Variants in RSPO2 observed in about 807,000 individuals in gnomAD.
RSPO2 encodes R-spondin-2.
RSPO2 carries 14 observed loss-of-function variants against 30.9 expected under a neutral mutation model. The observed-to-expected ratio is 0.45, with a 90% confidence interval of 0.30 to 0.71. The LOEUF is 0.71. RSPO2 is among the 30% of genes least tolerant of loss of function. RSPO2 has a pLI of 0.08. For missense variants in RSPO2, 264 were observed against 301.9 expected, an observed-to-expected ratio of 0.87 and a Z score of 0.93; for synonymous variants, 107 against 96.4, an observed-to-expected ratio of 1.11 and a Z score of -0.64.
At chr8:107,935,950 G>A (rs754398761) in intron 5 of RSPO2, among the ~76,000 whole-genome samples, 43 of 152,076 alleles carry the variant, frequency 2.8e-4, no homozygotes, top group Non-Finnish European at 2.4e-4. Context: ...ATTTCTATGC[G>A]TTGCTAACAC....
In RSPO2 at chr8:108,073,529, C is replaced by G. The variant is rs539858575; in HGVS notation, c.94+9016G>C. On this transcript the variant is annotated intron_variant, in intron 2 of 5. Transcript: ENST00000276659. ...GCCCCAGTTCTGGCCATTCTGTGAA[C>G]TGGCAGCATGATGCCTCAAGTCAGA... Among the ~76,000 whole-genome samples, 17 of 152,358 alleles carry G rather than the reference C, an allele frequency of 1.1e-4. No homozygotes were observed. In the East Asian group the frequency reaches 3.3e-3, roughly 29 times the overall value.
intron 2 of RSPO2, among the ~76,000 whole-genome samples, chr8:108,003,317 T>G (rs796778449): frequency 3.2e-4 from 5 of 15,532 alleles, no homozygotes; most frequent in Admixed American, 2.4e-3. Context: ...ATATATTTTT[T>G]TTTTTTTTTT....
chr8:107,964,544 T>C (rs1483872429), intron 3 of RSPO2, among the ~76,000 whole-genome samples: 1 of 152,114 alleles, frequency 6.6e-6, no homozygotes, highest in Non-Finnish European at 1.5e-5. Flanking sequence ...CCCAATATTT[T>C]TGAAAGCAAG....
chr8:107,938,314 G>T (rs1408148816), intron 5 of RSPO2, among the ~76,000 whole-genome samples: 1 of 152,068 alleles, frequency 6.6e-6, no homozygotes, highest in Non-Finnish European at 1.5e-5. Context: ...CCAGGCAAAT[G>T]CTTCAGCCTC....
intron 2 of RSPO2, among the ~76,000 whole-genome samples, chr8:108,052,583 G>A (rs1013490460): frequency 1.3e-4 from 20 of 152,092 alleles, no homozygotes; most frequent in African/African-American, 3.9e-4. Context: ...GCAAATATAA[G>A]CAAGAAAATG....
chr8:107,930,961 G>C (rs1812535910), intron 5 of RSPO2, among the ~76,000 whole-genome samples: 1 of 152,102 alleles, frequency 6.6e-6, no homozygotes, highest in South Asian at 2.1e-4. Flanking sequence ...CATCATTTAG[G>C]CAGCTGTTTT....
intron 3 of RSPO2, among the ~76,000 whole-genome samples, chr8:107,978,234 C>T (rs771270116): frequency 1.3e-5 from 2 of 152,036 alleles, no homozygotes; most frequent in African/African-American, 2.4e-5. Flanking sequence ...TTGAGACCAG[C>T]CTGGCCAACA....
At chr8:107,983,458 C>G (rs1351123719) in intron 3 of RSPO2, 1 of 1,598,478 alleles carries the variant, frequency 6.3e-7, no homozygotes, top group Non-Finnish European at 8.6e-7. Context: ...CCAGAGTCCC[C>G]TTTCTCAGAA....
chr8:107,948,940 C>G (rs1025313024), intron 5 of RSPO2, among the ~76,000 whole-genome samples: 4 of 150,304 alleles, frequency 2.7e-5, no homozygotes, highest in Admixed American at 2.0e-4. Context: ...AGTAACTGCC[C>G]CCTGCAATAT....
chr8:108,003,305 ATATATATTTTTTT>A (rs1815334229), intron 2 of RSPO2, among the ~76,000 whole-genome samples: 4 of 26,420 alleles, frequency 1.5e-4, no homozygotes, highest in African/African-American at 8.5e-4. Flanking sequence ...ATATATATAT[ATATATATTTTTTT>A]TTTTTTTTTT....
chr8:107,973,241 G>A (rs948644871), intron 3 of RSPO2, among the ~76,000 whole-genome samples: 1 of 150,762 alleles, frequency 6.6e-6, no homozygotes, highest in Admixed American at 6.6e-5. Context: ...CTGCACTCCA[G>A]CCTCAGCAAC....
At chr8:107,933,734 C>A (rs55865279) in intron 5 of RSPO2, among the ~76,000 whole-genome samples, 17,065 of 152,064 alleles carry the variant, frequency 0.11, 1,033 homozygotes, top group East Asian at 0.2. Context: ...TATCATTGTA[C>A]GACAAAACAG....
chr8:108,061,929 A>G (rs927315313), intron 2 of RSPO2, among the ~76,000 whole-genome samples: 4 of 151,956 alleles, frequency 2.6e-5, no homozygotes, highest in African/African-American at 4.9e-5. Context: ...CTGCTCCTGA[A>G]TGACTACTGG....
intron 2 of RSPO2, among the ~76,000 whole-genome samples, chr8:108,026,892 A>G (rs1038259142): frequency 3.3e-5 from 5 of 152,142 alleles, no homozygotes; most frequent in Non-Finnish European, 5.9e-5. Context: ...CAATTAAGGA[A>G]TCTGGATAAA....
chr8:107,905,520 T>TA (rs1339330515), intron 5 of RSPO2, among the ~76,000 whole-genome samples: 1 of 152,086 alleles, frequency 6.6e-6, no homozygotes, highest in Non-Finnish European at 1.5e-5. Flanking sequence ...TACTGATTTT[T>TA]AAGTTTGTAA....
chr8:107,971,661 T>A (rs188369672), intron 3 of RSPO2, among the ~76,000 whole-genome samples: 29 of 152,302 alleles, frequency 1.9e-4, no homozygotes, highest in African/African-American at 6.0e-4. Context: ...GTGCTACAGA[T>A]CACAATGACA....
intron 5 of RSPO2, among the ~76,000 whole-genome samples, chr8:107,930,602 AAC>A (rs1812523464): frequency 6.6e-6 from 1 of 152,218 alleles, no homozygotes; most frequent in South Asian, 2.1e-4. Context: ...AAAGTTGAAT[AAC>A]ACACCAGTGC....
intron 3 of RSPO2, among the ~76,000 whole-genome samples, chr8:107,964,066 A>T (rs939858221): frequency 1.3e-5 from 2 of 152,232 alleles, no homozygotes; most frequent in African/African-American, 4.8e-5. Context: ...AAAAGCTTTG[A>T]TCAGTGCCAA....
chr8:108,005,280 A>G (rs1815414565), intron 2 of RSPO2, among the ~76,000 whole-genome samples: 1 of 152,138 alleles, frequency 6.6e-6, no homozygotes, highest in African/African-American at 2.4e-5. Context: ...TTTCTATACT[A>G]TAAAGTTGCT....
Sources: gnomAD v4.1 joint callset for allele counts (sites outside exome capture counted in the v4.1 genomes callset) on GRCh38, gnomAD v4.1.1 for gene constraint, MANE v1.5 for transcripts, NCBI Gene and HGNC (gene_info 2026-07-23, HGNC 2026-07-21) for gene names.